The following CYRIB variants were observed in gnomAD, a reference collection of about 807,000 sequenced individuals.
CYRIB encodes the protein CYFIP-related Rac1 interactor B.
A neutral mutation model predicts 44.2 loss-of-function variants in CYRIB; 8 were observed. The ratio of observed to expected loss-of-function variants is 0.18; its 90% CI spans 0.11 to 0.33. The LOEUF (loss-of-function observed/expected upper bound fraction) is 0.33, where lower values mean the gene tolerates loss of function less well. CYRIB is among the 10% of genes least tolerant of loss of function. The probability of loss-of-function intolerance (pLI) is 1.00; values close to 1 mark genes in which losing one functional copy is unlikely to be tolerated. For missense variants in CYRIB, 185 were observed against 382.8 expected (o/e 0.48, Z 4.31); for synonymous variants, 131 against 127.2 (o/e 1.03, Z -0.20).
chr8:129,919,266 A>G (rs528249651), intron 1 of CYRIB, among the ~76,000 whole-genome samples: 1 of 152,330 alleles, frequency 6.6e-6, no homozygotes, highest in East Asian at 1.9e-4. Flanking sequence ...ATATGTGGTA[A>G]CATATATTAC....
chr8:129,954,104 G>C (rs1051816304), intron 2 of CYRIB, among the ~76,000 whole-genome samples: 14 of 152,110 alleles, frequency 9.2e-5, no homozygotes, highest in Admixed American at 4.6e-4. Context: ...TCCCCAAGTT[G>C]TAATACACAG....
chr8:129,965,192 C>G (rs187375287), intron 2 of CYRIB, among the ~76,000 whole-genome samples: 29 of 152,104 alleles, frequency 1.9e-4, no homozygotes, highest in Non-Finnish European at 3.5e-4. Context: ...TTCCACCCAC[C>G]CAAGACCCAC....
chr8:129,884,133 C>A (rs2061814504), intron 2 of CYRIB, among the ~76,000 whole-genome samples: 1 of 152,070 alleles, frequency 6.6e-6, no homozygotes, highest in African/African-American at 2.4e-5. Flanking sequence ...TTCTCTCAGT[C>A]CAGCTGCTTG....
At chr8:129,959,254 C>A (rs888203728) in intron 2 of CYRIB, among the ~76,000 whole-genome samples, 5 of 133,150 alleles carry the variant, frequency 3.8e-5, no homozygotes, top group African/African-American at 3.4e-5. Flanking sequence ...TGTAGCAGCC[C>A]CAGCCACAGC....
intron 1 of CYRIB, among the ~76,000 whole-genome samples, chr8:130,009,284 T>TG (rs1049378621): frequency 6.6e-6 from 1 of 151,546 alleles, no homozygotes; most frequent in African/African-American, 2.4e-5. Context: ...TTTTTTTTTT[T>TG]GAGACAGAGT....
At chr8:129,883,910 G>A (rs1193265026) in intron 2 of CYRIB, among the ~76,000 whole-genome samples, 1 of 152,192 alleles carries the variant, frequency 6.6e-6, no homozygotes, top group Non-Finnish European at 1.5e-5. Context: ...TACTATTACT[G>A]TTGCAGCTGT....
intron 1 of CYRIB, among the ~76,000 whole-genome samples, chr8:129,978,267 T>G (rs2096050205): frequency 6.6e-6 from 1 of 152,226 alleles, no homozygotes; most frequent in South Asian, 2.1e-4. Context: ...GCTAATCAGA[T>G]TACCTGAATA....
chr8:129,889,667 A>C (rs1445516342), intron 2 of CYRIB, among the ~76,000 whole-genome samples: 1 of 152,172 alleles, frequency 6.6e-6, no homozygotes, highest in Non-Finnish European at 1.5e-5. Context: ...TGGAAATACC[A>C]AGAGAACTAG....
At chr8:129,934,798 G>A (rs570698565) in intron 1 of CYRIB, among the ~76,000 whole-genome samples, 2 of 152,286 alleles carry the variant, frequency 1.3e-5, no homozygotes, top group Admixed American at 1.3e-4. Context: ...GACAACATAA[G>A]GGTAATCACC....
At chr8:130,014,161 C>T (rs890568035) in intron 1 of CYRIB, among the ~76,000 whole-genome samples, 35 of 152,268 alleles carry the variant, frequency 2.3e-4, no homozygotes, top group South Asian at 1.7e-3. Flanking sequence ...GAATCTGGGC[C>T]GGGCACAGTG....
intron 10 of CYRIB, among the ~76,000 whole-genome samples, chr8:129,848,753 T>G (rs575353622): frequency 6.7e-6 from 1 of 148,812 alleles, no homozygotes; most frequent in Admixed American, 6.7e-5. Context: ...TTTTTTTTTG[T>G]AGAAATGGGG....
At chr8:129,847,833 G>A (rs748980165) in intron 10 of CYRIB, among the ~76,000 whole-genome samples, 7 of 152,058 alleles carry the variant, frequency 4.6e-5, no homozygotes, top group Non-Finnish European at 8.8e-5. Flanking sequence ...ATGGAGTCTC[G>A]CTCTGTCACC....
chr8:129,930,215 A>C (rs112328358), intron 1 of CYRIB, among the ~76,000 whole-genome samples: 3,405 of 151,214 alleles, frequency 0.023, 141 homozygotes, highest in African/African-American at 0.076. Flanking sequence ...TGTCTCAAAA[A>C]AAACAAACAA....
chr8:129,952,831 T>C (rs2094574590), intron 2 of CYRIB, among the ~76,000 whole-genome samples: 1 of 152,232 alleles, frequency 6.6e-6, no homozygotes, highest in African/African-American at 2.4e-5. Flanking sequence ...CTTGAACTTT[T>C]AATTCCAAGC....
At chr8:129,876,070 G>A (rs2059006059) in intron 3 of CYRIB, among the ~76,000 whole-genome samples, 1 of 151,426 alleles carries the variant, frequency 6.6e-6, no homozygotes. Context: ...CCAAGATCAT[G>A]CCATTGCACT....
rs34764499 is a variant in CYRIB at position 129,883,112 on chromosome 8, C to CAAAAAAA, written c.-10-3648_-10-3642dup. Among the ~76,000 whole-genome samples the CAAAAAAA allele has an allele frequency of 3.4e-3, 141 of 41,258 alleles. 10 individuals carry two copies. Among genetic ancestry groups the CAAAAAAA allele is most frequent in the African/African-American group, 0.013 (131 of 10,356 alleles). 27.1% of individuals were successfully genotyped at this position (41,258 alleles called of 152,430 possible). On this transcript the variant is annotated intron_variant, in intron 2 of 11. Transcript: ENST00000519824. Reference sequence around the variant, plus strand: ...TAGGCAACAGAGCTAGACTCCCTCTCAAAAAAAAAAAAAAAAAAAAAAAAA... The same window carrying CAAAAAAA: ...TAGGCAACAGAGCTAGACTCCCTCTCAAAAAAAAAAAAAAAAAAAAAAAAAAAAAAAA...
At chr8:129,937,090 A>C (rs2092951141) in intron 1 of CYRIB, among the ~76,000 whole-genome samples, 1 of 152,196 alleles carries the variant, frequency 6.6e-6, no homozygotes, top group African/African-American at 2.4e-5. Flanking sequence ...TTGCCACATA[A>C]TTACAAAATG....
intron 1 of CYRIB, among the ~76,000 whole-genome samples, chr8:129,939,452 G>C (rs1454291597): frequency 2.0e-5 from 3 of 151,686 alleles, no homozygotes; most frequent in African/African-American, 7.3e-5. Flanking sequence ...CCGGGGCGTC[G>C]CGGGGCCGGG....
chr8:129,975,926 T>C (rs1015347892), intron 1 of CYRIB, among the ~76,000 whole-genome samples: 2 of 152,300 alleles, frequency 1.3e-5, no homozygotes, highest in South Asian at 2.1e-4. Flanking sequence ...GTGATTTTCA[T>C]GTGCAGCTGG....
Sources: allele counts gnomAD v4.1 joint callset (sites outside exome capture counted in the v4.1 genomes callset), GRCh38; gene constraint gnomAD v4.1.1; transcripts MANE v1.5; gene names NCBI Gene and HGNC (gene_info 2026-07-23, HGNC 2026-07-21).